Variants in DIAPH2 observed in about 807,000 individuals in gnomAD.
DIAPH2 encodes the protein diaphanous related formin 2, also known as protein diaphanous homolog 2.
Under a neutral mutation model 92.7 loss-of-function variants are expected in DIAPH2, and 35 were observed. That is an observed-to-expected ratio of 0.38 (90% confidence interval 0.29 to 0.50). The LOEUF is 0.50. Ranked by LOEUF, DIAPH2 falls within the 20% of genes least tolerant of loss-of-function variation. The probability of loss-of-function intolerance (pLI) is 0.94; values close to 1 mark genes in which losing one functional copy is unlikely to be tolerated. For synonymous variants in DIAPH2, 301 were observed against 280.4 expected (o/e 1.07, Z -0.73); for missense variants, 701 against 819.5 (o/e 0.86, Z 1.77).
intron 5 of DIAPH2, chrX:96,884,591 T>C (rs2065245138): frequency 8.3e-7 from 1 of 1,210,616 alleles, no homozygotes; most frequent in East Asian, 3.0e-5. Flanking sequence ...TGTTACAAAA[T>C]TGATGATATG....
At chrX:97,106,184 T>G (rs189232145) in intron 20 of DIAPH2, among the ~76,000 whole-genome samples, 18 of 112,112 alleles carry the variant, frequency 1.6e-4, no homozygotes, top group African/African-American at 5.2e-4. Flanking sequence ...AATTGCATTT[T>G]TCTTTATTTT....
chrX:97,496,830 A>T (rs190832609), intron 26 of DIAPH2, among the ~76,000 whole-genome samples: 1 of 110,960 alleles, frequency 9.0e-6, no homozygotes, highest in East Asian at 2.8e-4. Context: ...GAGCCACTGC[A>T]CCCAGCCATG....
chrX:96,931,037 A>C (rs2065615823), intron 10 of DIAPH2, among the ~76,000 whole-genome samples, 194 bp downstream of exon 10: 3 of 112,126 alleles, frequency 2.7e-5, no homozygotes, highest in Admixed American at 9.5e-5. Context: ...TTCAGCTAAT[A>C]ATGTACCCAG....
intron 17 of DIAPH2, among the ~76,000 whole-genome samples, chrX:97,056,912 T>C (rs2066561030): frequency 8.9e-6 from 1 of 112,150 alleles, no homozygotes; most frequent in African/African-American, 3.2e-5. Context: ...ATCCCAGATC[T>C]AATAGTCATT....
intron 17 of DIAPH2, among the ~76,000 whole-genome samples, chrX:96,989,670 G>C (rs1252717502): frequency 9.0e-6 from 1 of 111,546 alleles, no homozygotes; most frequent in African/African-American, 3.3e-5. Context: ...AAGTATATTG[G>C]AATTGAGATT....
chrX:97,196,789 G>T (rs1356609008), intron 22 of DIAPH2, among the ~76,000 whole-genome samples: 158 of 99,497 alleles, frequency 1.6e-3, no homozygotes, highest in Middle Eastern at 5.0e-3. Context: ...TTTTTTTTCG[G>T]TTTTTTTTTT....
At chrX:97,114,483 A>G (rs1402294319) in intron 20 of DIAPH2, among the ~76,000 whole-genome samples, 2 of 112,330 alleles carry the variant, frequency 1.8e-5, no homozygotes, top group Admixed American at 1.9e-4. Context: ...TTCAGCTTCT[A>G]TAATATTTTA....
At chrX:96,751,656 T>TTTTTTTG (rs2064191406) in intron 3 of DIAPH2, among the ~76,000 whole-genome samples, 1 of 73,191 alleles carries the variant, frequency 1.4e-5, no homozygotes, top group African/African-American at 4.6e-5. Context: ...TGTTTTGTTT[T>TTTTTTTG]TTTTTTTTTT....
chrX:97,310,439 G>A (rs555293820), intron 23 of DIAPH2, among the ~76,000 whole-genome samples: 7 of 111,967 alleles, frequency 6.3e-5, no homozygotes, highest in South Asian at 3.7e-4. Context: ...TGGTATGTTC[G>A]TATTTTAGAT....
chrX:96,970,599 G>T (rs1186163438), intron 17 of DIAPH2, among the ~76,000 whole-genome samples: 1 of 110,427 alleles, frequency 9.1e-6, no homozygotes, highest in Non-Finnish European at 1.9e-5. Context: ...CACCTTTGTT[G>T]TTTCTTATTG....
Position 97,470,693 on chromosome X carries a change from GA to G in DIAPH2, c.3241+40962del, listed in dbSNP as rs199544991. 7.1e-3 allele frequency among the ~76,000 whole-genome samples: 636 copies of G among 89,388 alleles called. 3 individuals carry two copies. The highest frequency in any genetic ancestry group is 0.023 in the African/African-American group (577 of 24,959). 77.6% of individuals were successfully genotyped at this position (89,388 alleles called of 115,157 possible). A position where few individuals can be genotyped will look rare whatever the true frequency, so the allele number is the denominator to read the frequency against. ...AATGAAGATTTCAATACTGTGTTAA[GA>G]AAAAAAAAAAAAACAACCACGCAAG... On this transcript the variant is annotated intron_variant, in intron 26 of 26. Transcript: ENST00000324765.
intron 26 of DIAPH2, among the ~76,000 whole-genome samples, chrX:97,500,795 TA>T (rs2070792186): frequency 1.1e-5 from 1 of 92,256 alleles, no homozygotes; most frequent in Non-Finnish European, 2.1e-5. Context: ...TATATATATA[TA>T]TATATATCCT....
At position 97,566,273 on chromosome X, in the gene DIAPH2, G is replaced by A. The variant is rs531116385; in HGVS notation, c.3242-32980G>A. ...ACGGGAAGGTATGCTTTATATTTGTGAGGATAGGAATAGAGATTTTCTTGA... is the reference window on the plus strand; with the variant it reads ...ACGGGAAGGTATGCTTTATATTTGTAAGGATAGGAATAGAGATTTTCTTGA... On this transcript the variant is annotated intron_variant, in intron 26 of 26. Coordinates refer to ENST00000324765, the MANE Select transcript of DIAPH2 (RefSeq NM_006729.5). Among the ~76,000 whole-genome samples the A allele has an allele frequency of 1.2e-4, 14 of 112,025 alleles. No individual in the cohort carries two copies. In the South Asian group the frequency reaches 1.9e-3, roughly 15 times the overall value.
At chrX:97,031,396 G>T (rs997992841) in intron 17 of DIAPH2, among the ~76,000 whole-genome samples, 1 of 110,385 alleles carries the variant, frequency 9.1e-6, no homozygotes, top group African/African-American at 3.3e-5. Context: ...ACAGAAAGTT[G>T]GAAAAATAAT....
chrX:97,529,125 TTTGATATCCTTGGAAAGGATTTGG>T (rs2147849875), intron 26 of DIAPH2: 1 of 111,754 alleles, frequency 8.9e-6, no homozygotes, highest in South Asian at 3.8e-4. Flanking sequence ...GGAATCCTCC[TTTGATATCCTTGGAAAGGATTTGG>T]TAACTACTTA....
intron 15 of DIAPH2, among the ~76,000 whole-genome samples, chrX:96,949,899 T>C (rs2065763682): frequency 9.3e-6 from 1 of 107,630 alleles, no homozygotes; most frequent in Non-Finnish European, 1.9e-5. Flanking sequence ...GAAGATGATG[T>C]CTTAACATAG....
intron 26 of DIAPH2, among the ~76,000 whole-genome samples, chrX:97,448,836 G>A (rs762037109): frequency 5.4e-5 from 6 of 111,733 alleles, no homozygotes; most frequent in East Asian, 5.6e-4. Context: ...ATTTGTACCC[G>A]TCTATGTTAA....
intron 25 of DIAPH2, among the ~76,000 whole-genome samples, chrX:97,396,119 A>AT (rs1159431680): frequency 8.9e-6 from 1 of 112,153 alleles, no homozygotes; most frequent in Non-Finnish European, 1.9e-5. Context: ...TTTGTTCCAT[A>AT]TTTTAATATT....
rs181873319 is a variant in DIAPH2 at position 97,059,255 on chromosome X, A to G, written c.2051-13686A>G. ...TATCCATAAGATGTTAAAAATGTGT[A>G]TATTTTGGAGGCGGGACTTCAAGGA... On this transcript the variant is annotated intron_variant, in intron 17 of 26. Transcript: ENST00000324765. 1.3e-4 allele frequency among the ~76,000 whole-genome samples: 15 copies of G among 112,004 alleles called. No individual in the cohort carries two copies. In the East Asian group the frequency reaches 3.9e-3, roughly 29 times the overall value.
Sources: allele counts gnomAD v4.1 joint callset (sites outside exome capture counted in the v4.1 genomes callset), GRCh38; gene constraint gnomAD v4.1.1; transcripts MANE v1.5; gene names NCBI Gene and HGNC (gene_info 2026-07-23, HGNC 2026-07-21).